Variants in SYT9 observed in about 807,000 individuals in gnomAD.
The protein encoded by SYT9 is synaptotagmin-9.
SYT9 carries 22 observed loss-of-function variants against 48.4 expected under a neutral mutation model. The observed-to-expected ratio is 0.45, with a 90% CI of 0.32 to 0.65. SYT9 has a LOEUF of 0.65. Among genes scored for constraint, SYT9 ranks in the 30% least tolerant of loss-of-function variants. The pLI is 0.03. For synonymous variants in SYT9, 265 were observed against 245.0 expected (o/e 1.08, Z -0.76); for missense variants, 577 against 622.0 (o/e 0.93, Z 0.77).
chr11:7,312,719 T>A (rs1849163058), intron 2 of SYT9, among the ~76,000 whole-genome samples: 1 of 152,242 alleles, frequency 6.6e-6, no homozygotes, highest in African/African-American at 2.4e-5. Flanking sequence ...CCATTAGTGT[T>A]TATTTCAGAA....
intron 3 of SYT9, among the ~76,000 whole-genome samples, chr11:7,369,205 G>A (rs1564879364): frequency 6.6e-6 from 1 of 151,062 alleles, no homozygotes; most frequent in Non-Finnish European, 1.5e-5. Flanking sequence ...TCTCACTGTG[G>A]TTTTAATTTG....
intron 1 of SYT9, among the ~76,000 whole-genome samples, chr11:7,301,999 T>C (rs1036961095): frequency 3.3e-5 from 5 of 152,186 alleles, no homozygotes; most frequent in African/African-American, 9.7e-5. Flanking sequence ...CCATGATCCA[T>C]GTAGCAGATG....
intron 4 of SYT9, 63 bp downstream of exon 4, chr11:7,416,225 T>G: frequency 6.3e-7 from 1 of 1,593,162 alleles, no homozygotes; most frequent in Non-Finnish European, 8.6e-7. Flanking sequence ...CCTTATAAAG[T>G]TTTAGTATGG....
At chr11:7,248,432 T>A (rs1299034364), upstream of SYT9, among the ~76,000 whole-genome samples, 1 of 152,188 alleles carries the variant, frequency 6.6e-6, no homozygotes, top group African/African-American at 2.4e-5. Flanking sequence ...GTTTTTACAA[T>A]GTTATCTTCC....
chr11:7,414,180 A>G (rs1250665613), intron 3 of SYT9, among the ~76,000 whole-genome samples: 3 of 152,220 alleles, frequency 2.0e-5, no homozygotes, highest in African/African-American at 4.8e-5. Context: ...GTGTGTGCAC[A>G]GTGCGGGCCC....
At chr11:7,342,766 T>G (rs747958392) in intron 3 of SYT9, among the ~76,000 whole-genome samples, 1 of 152,156 alleles carries the variant, frequency 6.6e-6, no homozygotes, top group Non-Finnish European at 1.5e-5. Flanking sequence ...CAACACCACA[T>G]TTCCCTTCCA....
intron 6 of SYT9, chr11:7,454,360 A>G (rs1848110825): frequency 5.2e-6 from 5 of 960,594 alleles, no homozygotes; most frequent in Non-Finnish European, 6.2e-6. Context: ...GCTTCTCTAC[A>G]GCCATCTTTA....
At chr11:7,367,335 C>A (rs1458840015) in intron 3 of SYT9, among the ~76,000 whole-genome samples, 4 of 151,644 alleles carry the variant, frequency 2.6e-5, no homozygotes, top group African/African-American at 9.7e-5. Flanking sequence ...CCCTCCTCGG[C>A]CTCCCAGAGT....
Position 7,386,213 on chromosome 11 carries a change from A to G in SYT9, c.1045-29829A>G, listed in dbSNP as rs144383725. 9.7e-3 allele frequency among the ~76,000 whole-genome samples: 1,482 copies of G among 152,244 alleles called. 25 individuals carry two copies. Among genetic ancestry groups the G allele is most frequent in the African/African-American group, 0.033 (1,352 of 41,550 alleles). ...TAAACCCTGGAAGAAAACCTAGGCAATGCCATTCAGTACATAGGCATGGGC... is the reference window on the plus strand; with the variant it reads ...TAAACCCTGGAAGAAAACCTAGGCAGTGCCATTCAGTACATAGGCATGGGC... On this transcript the variant is annotated intron_variant, in intron 3 of 6. Coordinates refer to ENST00000318881, the MANE Select transcript of SYT9 (RefSeq NM_175733.4).
chr11:7,446,849 G>A (rs1389133362), intron 6 of SYT9, among the ~76,000 whole-genome samples: 2 of 152,150 alleles, frequency 1.3e-5, no homozygotes, highest in Non-Finnish European at 2.9e-5. Context: ...GGTCAGCTCC[G>A]CAGGCCTCCT....
chr11:7,241,752 G>A (rs138767691), intron 1 of SYT9, among the ~76,000 whole-genome samples: 233 of 152,306 alleles, frequency 1.5e-3, no homozygotes, highest in African/African-American at 5.3e-3. Context: ...AATTCATTTC[G>A]ATGTGTGGAT....
upstream of SYT9, among the ~76,000 whole-genome samples, chr11:7,250,595 CTGTT>C (rs1157368412): frequency 6.6e-6 from 1 of 152,138 alleles, no homozygotes; most frequent in African/African-American, 2.4e-5. Flanking sequence ...TCTCCTCCCT[CTGTT>C]TGTCTCTTTG....
intron 3 of SYT9, among the ~76,000 whole-genome samples, chr11:7,404,854 A>G (rs186833858): frequency 1.9e-4 from 29 of 152,296 alleles, no homozygotes; most frequent in African/African-American, 6.7e-4. Context: ...GACAAAAACT[A>G]CAGTGATCAA....
intron 1 of SYT9, among the ~76,000 whole-genome samples, chr11:7,288,957 C>A (rs1485215185): frequency 6.6e-6 from 1 of 152,210 alleles, no homozygotes; most frequent in East Asian, 1.9e-4. Context: ...TGTCTCATGG[C>A]AATGCTGCTT....
chr11:7,274,497 C>T (rs7949714), intron 1 of SYT9, among the ~76,000 whole-genome samples: 120,268 of 151,754 alleles, frequency 0.79, 47,740 homozygotes, highest in Middle Eastern at 0.83. Flanking sequence ...TTTGTATTTT[C>T]AGTAGAGATG....
chr11:7,276,639 T>C (rs1848398539), intron 1 of SYT9, among the ~76,000 whole-genome samples: 1 of 152,206 alleles, frequency 6.6e-6, no homozygotes, highest in African/African-American at 2.4e-5. Context: ...CTTTCCCCTC[T>C]GCCTTCCCCC....
At chr11:7,418,403 C>A (rs781587276) in intron 5 of SYT9, among the ~76,000 whole-genome samples, 3 of 152,196 alleles carry the variant, frequency 2.0e-5, no homozygotes, top group Non-Finnish European at 4.4e-5. Flanking sequence ...ACCTCTTCCC[C>A]TTTTCATCTT....
At position 7,252,262 on chromosome 11, in the gene SYT9, G is replaced by A; in HGVS notation, c.76G>A (p.Glu26Lys). The change falls in exon 1 of 7, where the codon GAG becomes AAG. Residue 26 changes from glutamate (E) to lysine (K), a missense_variant. Coordinates refer to ENST00000318881, the MANE Select transcript of SYT9 (RefSeq NM_175733.4). The surrounding 1 kb of genome is among the most constrained non-coding windows in gnomAD (Gnocchi z 6.3). ...LAELCARGAL[E>K]HDSCQDFIYH... ...CGAGCTCTGTGCCCGTGGGGCCCTGGAGCACGACAGCTGCCAGGATTTCAT... is the reference window on the plus strand; with the variant it reads ...CGAGCTCTGTGCCCGTGGGGCCCTGAAGCACGACAGCTGCCAGGATTTCAT... 6.6e-7 allele frequency: 1 copy of A among 1,509,528 alleles called. No homozygotes were observed. Among genetic ancestry groups the A allele is most frequent in the Non-Finnish European group, 8.9e-7 (1 of 1,128,908 alleles). 93.5% of individuals were successfully genotyped at this position (1,509,528 alleles called of 1,614,324 possible).
intron 1 of SYT9, among the ~76,000 whole-genome samples, chr11:7,245,860 T>C (rs1445924152): frequency 6.6e-6 from 1 of 152,244 alleles, no homozygotes; most frequent in Non-Finnish European, 1.5e-5. Flanking sequence ...ACATGTATTT[T>C]TGTCCAACCA....
Sources: gnomAD v4.1 joint callset for allele counts (sites outside exome capture counted in the v4.1 genomes callset) on GRCh38, gnomAD v4.1.1 for gene constraint, Gnocchi (gnomAD v3.1) non-coding constraint, MANE v1.5 for transcripts, NCBI Gene and HGNC (gene_info 2026-07-23, HGNC 2026-07-21) for gene names.